The following WDHD1 variants were observed in gnomAD, a reference collection of about 807,000 sequenced individuals.
WDHD1 encodes the protein WD repeat and HMG-box DNA-binding protein 1.
In WDHD1, 111 loss-of-function variants were observed where a neutral mutation model predicts 135.4. The ratio of observed to expected loss-of-function variants is 0.82; its 90% CI spans 0.70 to 0.96. The LOEUF is 0.96. WDHD1 is among the 40% of genes least tolerant of loss of function. The probability of loss-of-function intolerance (pLI) is 0.00; values close to 1 mark genes in which losing one functional copy is unlikely to be tolerated. For missense variants in WDHD1, 1,351 were observed against 1,336.3 expected (o/e 1.01, Z -0.17); for synonymous variants, 434 against 439.0 (o/e 0.99, Z 0.14).
At chr14:54,975,382 C>CT (rs1386324586) in intron 16 of WDHD1, among the ~76,000 whole-genome samples, 1 of 151,820 alleles carries the variant, frequency 6.6e-6, no homozygotes, top group Admixed American at 6.6e-5. Flanking sequence ...GAGTTTCCCT[C>CT]TGTTGCCCAG....
intron 21 of WDHD1, among the ~76,000 whole-genome samples, chr14:54,958,018 C>T (rs1378566448): frequency 1.3e-5 from 2 of 152,098 alleles, no homozygotes; most frequent in East Asian, 3.8e-4. Flanking sequence ...TTGACTTTTC[C>T]CTATTTATTG....
chr14:54,972,888 A>G (rs1363393807), intron 16 of WDHD1, among the ~76,000 whole-genome samples: 1 of 152,234 alleles, frequency 6.6e-6, no homozygotes, highest in African/African-American at 2.4e-5. Flanking sequence ...TATAATCTAT[A>G]TCTACTCTGA....
chr14:54,948,195 A>G (rs1389025082), intron 24 of WDHD1, among the ~76,000 whole-genome samples: 1 of 152,068 alleles, frequency 6.6e-6, no homozygotes, highest in Non-Finnish European at 1.5e-5. Context: ...GGCTTGTCGG[A>G]CAGTGGGCGC....
intron 24 of WDHD1, among the ~76,000 whole-genome samples, chr14:54,949,231 C>T (rs761385687): frequency 6.6e-6 from 1 of 152,034 alleles, no homozygotes; most frequent in Non-Finnish European, 1.5e-5. Flanking sequence ...TCGAACGCAT[C>T]GCAAAGGAGC....
intron 10 of WDHD1, among the ~76,000 whole-genome samples, chr14:54,998,228 G>T (rs2041918106): frequency 6.6e-6 from 1 of 151,932 alleles, no homozygotes; most frequent in South Asian, 2.1e-4. Flanking sequence ...AATTTTTAAT[G>T]GAGGACTGTG....
intron 24 of WDHD1, among the ~76,000 whole-genome samples, chr14:54,950,781 A>T (rs2041036154): frequency 6.6e-6 from 1 of 152,188 alleles, no homozygotes; most frequent in African/African-American, 2.4e-5. Context: ...AAAGAACAGA[A>T]ATTATAACAA....
intron 25 of WDHD1, 50 bp from the exon 26 acceptor site, chr14:54,941,740 A>C: frequency 6.8e-7 from 1 of 1,463,104 alleles, no homozygotes; most frequent in Non-Finnish European, 9.4e-7. Context: ...AAAATAACAA[A>C]TAAGAAGTAA....
chr14:54,993,780 C>T (rs1023752723), intron 11 of WDHD1, among the ~76,000 whole-genome samples: 4 of 152,008 alleles, frequency 2.6e-5, no homozygotes, highest in Non-Finnish European at 5.9e-5. Context: ...AAGTACTATT[C>T]ATGTTTACAT....
Position 54,941,515 on chromosome 14 carries a change from G to A in WDHD1, c.3365C>T (p.Ser1122Leu). The A allele has an allele frequency of 6.2e-7, 1 of 1,612,436 alleles. No homozygotes were observed. The highest frequency in any genetic ancestry group is 8.5e-7 in the Non-Finnish European group (1 of 1,179,714). The stretch of plus-strand genomic sequence containing the variant: ...TTACTCCTGCTTAAATGCAAAAGCT[G>A]ATAGTTTCTGATTTGTAGAAAAATC... ...PLDFSTNQKL[S>L]AFAFKQE Residue 1122 changes from serine (S) to leucine (L), a missense_variant, in exon 26 of 26, where the codon TCA (serine) becomes TTA (leucine). By Grantham distance (145) the Ser-to-Leu change is moderately radical. Transcript: ENST00000360586.
rs1223285735 is a variant in WDHD1 at position 54,995,637 on chromosome 14, T to TC, written c.1118dup (p.Ser374LysfsTer7). The TC allele has an allele frequency of 1.9e-6, 3 of 1,609,742 alleles. No homozygotes were observed. The highest frequency in any genetic ancestry group is 1.7e-6 in the Non-Finnish European group (2 of 1,178,190). On this transcript the variant is annotated frameshift_variant, in exon 11 of 26. Coordinates refer to ENST00000360586, the MANE Select transcript of WDHD1 (RefSeq NM_007086.4). LOFTEE classifies it high-confidence loss of function. Reference sequence around the variant, plus strand: ...TTTCATCATCTTCTAGGATGTGACTTCGCTGTCTAGGACGACCTGAAGCCA... The same window carrying TC: ...TTTCATCATCTTCTAGGATGTGACTTCCGCTGTCTAGGACGACCTGAAGCCA...
At chr14:54,978,537 A>C (rs2041563749) in intron 16 of WDHD1, among the ~76,000 whole-genome samples, 1 of 152,038 alleles carries the variant, frequency 6.6e-6, no homozygotes, top group Non-Finnish European at 1.5e-5. Context: ...GTGAGCTATG[A>C]CTGCACTACT....
At chr14:54,994,381 T>C (rs143991883) in intron 11 of WDHD1, among the ~76,000 whole-genome samples, 142 of 152,282 alleles carry the variant, frequency 9.3e-4, no homozygotes, top group African/African-American at 3.2e-3. Flanking sequence ...TACAGACATA[T>C]AATGTGAGTT....
intron 7 of WDHD1, among the ~76,000 whole-genome samples, chr14:55,006,221 A>G (rs561814610): frequency 6.6e-6 from 1 of 152,312 alleles, no homozygotes; most frequent in East Asian, 1.9e-4. Context: ...AAGAACTGAC[A>G]TCTTTATTTA....
Position 54,939,789 on chromosome 14 carries a change from T to C in WDHD1, c.*1701A>G, listed in dbSNP as rs1364338009. ...AGGTTGCTATGAATCTGAAATACAA[T>C]ATACACAGATTATATCCTTAAGCAT... On this transcript the variant is annotated 3_prime_UTR_variant, in exon 26 of 26. Coordinates refer to ENST00000360586, the MANE Select transcript of WDHD1 (RefSeq NM_007086.4). 2 of 152,168 alleles carry C rather than the reference T, an allele frequency of 1.3e-5. No homozygotes were observed. The highest frequency in any genetic ancestry group is 2.9e-5 in the Non-Finnish European group (2 of 68,030). The allele number at this position is 152,168 out of a possible 1,614,324, so 9.4% of individuals were successfully genotyped here.
intron 16 of WDHD1, among the ~76,000 whole-genome samples, chr14:54,970,455 G>C (rs766414302): frequency 4.6e-5 from 7 of 151,870 alleles, no homozygotes; most frequent in Non-Finnish European, 1.0e-4. Flanking sequence ...ATCTAACCAA[G>C]GAGGTGAAAG....
In WDHD1 at chr14:55,019,694, C is replaced by T. The variant is rs2042313989; in HGVS notation, c.78-6098G>A. Among the ~76,000 whole-genome samples, 3 of 152,114 alleles carry T rather than the reference C, an allele frequency of 2.0e-5. No homozygotes were observed. In the South Asian group the frequency reaches 6.2e-4, roughly 32 times the overall value. ...GACTAGCCTGGCCAACATGACGAAA[C>T]CTTGTCTCTACTAAAAATACAAAAA... is the stretch of plus-strand genomic sequence containing the variant. On this transcript the variant is annotated intron_variant, in intron 2 of 25. Transcript: ENST00000360586.
intron 24 of WDHD1, among the ~76,000 whole-genome samples, chr14:54,947,286 C>T (rs987957132): frequency 1.3e-5 from 2 of 151,842 alleles, no homozygotes; most frequent in South Asian, 2.1e-4. Flanking sequence ...TGCAGTGAGC[C>T]GAGATTGTGC....
chr14:55,006,560 A>T (rs932633193), intron 7 of WDHD1, among the ~76,000 whole-genome samples: 2 of 152,300 alleles, frequency 1.3e-5, no homozygotes, highest in African/African-American at 4.8e-5. Context: ...ATTTACTCAT[A>T]TACAAACATT....
At chr14:54,970,636 AG>A (rs1287131797) in intron 16 of WDHD1, among the ~76,000 whole-genome samples, 4,494 of 147,844 alleles carry the variant, frequency 0.03, 231 homozygotes, top group African/African-American at 0.11. Context: ...AAAAAAAAAA[AG>A]AAAGAAAGAA....
Sources: gnomAD v4.1 joint callset for allele counts (sites outside exome capture counted in the v4.1 genomes callset) on GRCh38, gnomAD v4.1.1 for gene constraint, MANE v1.5 for transcripts, NCBI Gene and HGNC (gene_info 2026-07-23, HGNC 2026-07-21) for gene names.